Variants in TBXAS1 observed in about 807,000 individuals in gnomAD.
TBXAS1 encodes the protein thromboxane A synthase 1.
A neutral mutation model predicts 60.7 loss-of-function variants in TBXAS1; 48 were observed. That is an observed-to-expected ratio of 0.79 (90% CI 0.63 to 1.01). The LOEUF (loss-of-function observed/expected upper bound fraction) is 1.01. TBXAS1 is among the 50% of genes least tolerant of loss of function. The pLI, the probability that TBXAS1 is intolerant of heterozygous loss-of-function variation, is 0.00. For synonymous variants in TBXAS1, 287 were observed against 269.7 expected, an observed-to-expected ratio of 1.06 and a Z score of -0.63; for missense variants, 685 against 686.3, an observed-to-expected ratio of 1.00 and a Z score of 0.02.
chr7:140,020,102 C>T lies in TBXAS1; in HGVS notation c.*3C>T, dbSNP rs920092698. On this transcript the variant is annotated 3_prime_UTR_variant, in exon 13 of 13. Coordinates refer to ENST00000448866, the MANE Select transcript of TBXAS1 (RefSeq NM_001061.7). ...ATATCAAGATCGTATCCCGCTGACACAGAAGGCTGCCGGGTGGGGGGAGGG... is the reference window on the plus strand; with the variant it reads ...ATATCAAGATCGTATCCCGCTGACATAGAAGGCTGCCGGGTGGGGGGAGGG... 1 of 1,612,908 alleles carries T rather than the reference C, an allele frequency of 6.2e-7. No homozygotes were observed. The highest frequency in any genetic ancestry group is 8.5e-7 in the Non-Finnish European group (1 of 1,179,700).
intron 4 of TBXAS1, among the ~76,000 whole-genome samples, chr7:139,822,036 C>G (rs1434550416): frequency 6.6e-6 from 1 of 152,228 alleles, no homozygotes; most frequent in Non-Finnish European, 1.5e-5. Flanking sequence ...ACGAGGAATT[C>G]ATTTTCCTCT....
chr7:139,844,120 A>G (rs1037294509), intron 1 of TBXAS1, among the ~76,000 whole-genome samples: 2 of 152,198 alleles, frequency 1.3e-5, no homozygotes. Flanking sequence ...GGAGGGGATG[A>G]TGGAATGCAG....
chr7:139,989,689 C>T (rs189403979), intron 9 of TBXAS1, among the ~76,000 whole-genome samples: 15 of 152,340 alleles, frequency 9.8e-5, no homozygotes, highest in African/African-American at 2.4e-4. Flanking sequence ...TCCTGTCCTC[C>T]GTGGCCTACG....
At chr7:139,798,966 C>T (rs949689105) in intron 4 of TBXAS1, among the ~76,000 whole-genome samples, 1 of 152,148 alleles carries the variant, frequency 6.6e-6, no homozygotes, top group African/African-American at 2.4e-5. Flanking sequence ...CCTGTCCTCA[C>T]TCTGAAACAT....
intron 4 of TBXAS1, among the ~76,000 whole-genome samples, chr7:139,794,455 A>G (rs1235325334): frequency 6.6e-6 from 1 of 151,682 alleles, no homozygotes; most frequent in Non-Finnish European, 1.5e-5. Flanking sequence ...CCCAGTGTAG[A>G]TATCTTCTGG....
At chr7:139,921,138 A>T (rs1806436312) in intron 4 of TBXAS1, among the ~76,000 whole-genome samples, 1 of 152,062 alleles carries the variant, frequency 6.6e-6, no homozygotes, top group Non-Finnish European at 1.5e-5. Context: ...TGTAAAGCTC[A>T]ATGTATTATT....
At chr7:139,809,074 G>A (rs1797947693) in intron 4 of TBXAS1, among the ~76,000 whole-genome samples, 1 of 151,904 alleles carries the variant, frequency 6.6e-6, no homozygotes, top group East Asian at 1.9e-4. Flanking sequence ...TACTGCCTGT[G>A]GCTATAGAAT....
intron 1 of TBXAS1, among the ~76,000 whole-genome samples, chr7:139,832,734 A>G (rs1366448785): frequency 2.6e-5 from 4 of 152,252 alleles, no homozygotes; most frequent in African/African-American, 9.6e-5. Context: ...CCTATAAAGG[A>G]AAACCTATCA....
At chr7:139,948,768 G>A (rs1808961221) in intron 5 of TBXAS1, among the ~76,000 whole-genome samples, 1 of 152,126 alleles carries the variant, frequency 6.6e-6, no homozygotes, top group South Asian at 2.1e-4. Flanking sequence ...AAGAACTGCG[G>A]GGTTTGTGGA....
intron 9 of TBXAS1, among the ~76,000 whole-genome samples, chr7:139,996,112 G>A (rs1440147821): frequency 2.0e-5 from 3 of 151,470 alleles, no homozygotes; most frequent in Non-Finnish European, 4.4e-5. Flanking sequence ...GGGATTACAG[G>A]TGCACACCAC....
chr7:139,813,771 G>A (rs1394021913), intron 4 of TBXAS1, among the ~76,000 whole-genome samples: 1 of 152,112 alleles, frequency 6.6e-6, no homozygotes, highest in Non-Finnish European at 1.5e-5. Context: ...GGGATGACAG[G>A]CATACAATGT....
intron 4 of TBXAS1, among the ~76,000 whole-genome samples, chr7:139,927,589 A>G (rs760126653): frequency 6.6e-6 from 1 of 152,204 alleles, no homozygotes; most frequent in Non-Finnish European, 1.5e-5. Flanking sequence ...GTACTATAAT[A>G]ATCTTGCTAA....
chr7:139,894,909 C>A (rs1303701420), intron 3 of TBXAS1, among the ~76,000 whole-genome samples: 1 of 152,204 alleles, frequency 6.6e-6, no homozygotes, highest in Admixed American at 6.5e-5. Flanking sequence ...TCATTCATGT[C>A]TCTTTTCCCA....
chr7:139,854,015 G>C (rs1800406544), intron 1 of TBXAS1, among the ~76,000 whole-genome samples: 1 of 152,102 alleles, frequency 6.6e-6, no homozygotes, highest in Non-Finnish European at 1.5e-5. Context: ...TTTGCAAATG[G>C]AGAAAGAGTG....
chr7:139,997,572 C>T (rs1045409516), intron 9 of TBXAS1, among the ~76,000 whole-genome samples: 2 of 152,048 alleles, frequency 1.3e-5, no homozygotes, highest in African/African-American at 2.4e-5. Flanking sequence ...CCCCACTATA[C>T]ACACACACTA....
At chr7:139,939,596 G>C (rs766125014) in intron 5 of TBXAS1, among the ~76,000 whole-genome samples, 4 of 151,918 alleles carry the variant, frequency 2.6e-5, no homozygotes, top group Non-Finnish European at 5.9e-5. Flanking sequence ...CTGGCGAGTT[G>C]AAGTTTACTG....
intron 4 of TBXAS1, among the ~76,000 whole-genome samples, chr7:139,789,924 C>G (rs1797329142): frequency 1.3e-5 from 2 of 152,220 alleles, no homozygotes; most frequent in Admixed American, 1.3e-4. Context: ...AGCCACCGCA[C>G]CCGGCCTAAA....
chr7:139,839,669 C>T (rs1799294496), intron 1 of TBXAS1, among the ~76,000 whole-genome samples: 1 of 131,786 alleles, frequency 7.6e-6, no homozygotes, highest in Admixed American at 7.7e-5. Context: ...AGAGACCCTG[C>T]TTCTACCAAA....
chr7:139,960,323 C>T (rs984004411), intron 8 of TBXAS1, among the ~76,000 whole-genome samples: 30 of 152,206 alleles, frequency 2.0e-4, no homozygotes, highest in African/African-American at 6.8e-4. Context: ...CAAATGCACG[C>T]ACTGCATTAC....
Sources: gnomAD v4.1 joint callset for allele counts (sites outside exome capture counted in the v4.1 genomes callset) on GRCh38, gnomAD v4.1.1 for gene constraint, MANE v1.5 for transcripts, NCBI Gene and HGNC (gene_info 2026-07-23, HGNC 2026-07-21) for gene names.